CDK6: variants seen among roughly 807,000 people sequenced by gnomAD.
CDK6 encodes cyclin-dependent kinase 6.
A neutral mutation model predicts 37.1 loss-of-function variants in CDK6; 6 were observed. The observed-to-expected ratio is 0.16, with a 90% CI of 0.09 to 0.32. The LOEUF is 0.32. CDK6 is among the 10% of genes least tolerant of loss of function. The pLI is 1.00. For synonymous variants in CDK6, 160 were observed against 161.3 expected (o/e 0.99, Z 0.06); for missense variants, 224 against 418.9 (o/e 0.53, Z 4.06).
In CDK6 at chr7:92,651,286, C is replaced by T. The variant is rs144224076; in HGVS notation, c.647+20140G>A. On this transcript the variant is annotated intron_variant, in intron 5 of 7. Transcript: ENST00000424848. ...TAAGGTTCATAACCTTAATTACATC[C>T]GCAAAATCCCTTCTGCTATGTAATG... is the stretch of plus-strand genomic sequence containing the variant. 2.9e-3 allele frequency among the ~76,000 whole-genome samples: 437 copies of T among 152,248 alleles called. 2 individuals are homozygous for T. Among genetic ancestry groups the T allele is most frequent in the African/African-American group, 9.8e-3 (407 of 41,530 alleles).
chr7:92,791,806 G>C (rs1357208188), intron 2 of CDK6, among the ~76,000 whole-genome samples: 2 of 152,098 alleles, frequency 1.3e-5, no homozygotes, highest in Non-Finnish European at 2.9e-5. Flanking sequence ...ATGTCCAAAG[G>C]TATGTAGGTA....
intron 6 of CDK6, 152 bp downstream of exon 6, chr7:92,622,884 C>T (rs1795835083): frequency 3.4e-6 from 2 of 589,040 alleles, no homozygotes; most frequent in Admixed American, 3.0e-5. Context: ...TCTACCATGT[C>T]TCCACTCACC....
At chr7:92,643,558 T>A (rs1318510824) in intron 5 of CDK6, among the ~76,000 whole-genome samples, 1 of 152,176 alleles carries the variant, frequency 6.6e-6, no homozygotes, top group African/African-American at 2.4e-5. Context: ...AGAAAAAGCC[T>A]CTTTAAGGAG....
intron 4 of CDK6, among the ~76,000 whole-genome samples, chr7:92,707,952 G>A (rs1309562547): frequency 1.3e-5 from 2 of 152,092 alleles, no homozygotes; most frequent in African/African-American, 4.8e-5. Context: ...GGCATATTTA[G>A]TTGTTTAAAA....
intron 3 of CDK6, among the ~76,000 whole-genome samples, chr7:92,753,532 G>A (rs552459075): frequency 1.1e-4 from 17 of 151,990 alleles, no homozygotes; most frequent in South Asian, 1.0e-3. Flanking sequence ...TTGCTCTGTC[G>A]CCCAGGCTGG....
intron 5 of CDK6, among the ~76,000 whole-genome samples, chr7:92,650,171 G>C (rs1298775830): frequency 6.6e-6 from 1 of 152,130 alleles, no homozygotes; most frequent in Non-Finnish European, 1.5e-5. Context: ...TTGTTAAAAT[G>C]GTTCATCTCT....
At chr7:92,805,811 T>A (rs971966137) in intron 2 of CDK6, among the ~76,000 whole-genome samples, 2 of 152,190 alleles carry the variant, frequency 1.3e-5, no homozygotes, top group Non-Finnish European at 2.9e-5. Flanking sequence ...CTAGTTTCAG[T>A]GGGTCTCTAT....
At chr7:92,644,743 C>T (rs1796401848) in intron 5 of CDK6, among the ~76,000 whole-genome samples, 1 of 152,152 alleles carries the variant, frequency 6.6e-6, no homozygotes, top group Non-Finnish European at 1.5e-5. Flanking sequence ...CACACATTAC[C>T]AGGACCTTAG....
At chr7:92,781,994 C>T (rs1800004511) in intron 2 of CDK6, among the ~76,000 whole-genome samples, 1 of 152,132 alleles carries the variant, frequency 6.6e-6, no homozygotes, top group East Asian at 1.9e-4. Context: ...CAACCAGCAC[C>T]AAATGGTATA....
At chr7:92,738,168 A>G (rs1049780729) in intron 3 of CDK6, among the ~76,000 whole-genome samples, 3 of 152,208 alleles carry the variant, frequency 2.0e-5, no homozygotes, top group East Asian at 1.9e-4. Context: ...AACTTCTTCA[A>G]TCTGCTGGAG....
intron 3 of CDK6, among the ~76,000 whole-genome samples, chr7:92,748,768 C>A (rs1584047302): frequency 6.6e-6 from 1 of 152,252 alleles, no homozygotes. Context: ...CTAGTTGAGG[C>A]ACTGCTTCCT....
chr7:92,726,857 C>T (rs1798523812), intron 3 of CDK6, among the ~76,000 whole-genome samples: 1 of 152,192 alleles, frequency 6.6e-6, no homozygotes, highest in South Asian at 2.1e-4. Flanking sequence ...CTCTCTAAGG[C>T]TTAGTTTCCC....
chr7:92,659,402 T>C (rs528354450), intron 5 of CDK6, among the ~76,000 whole-genome samples: 1 of 152,202 alleles, frequency 6.6e-6, no homozygotes, highest in Non-Finnish European at 1.5e-5. Flanking sequence ...ATTTTGGATG[T>C]ACTGTGGTAA....
intron 4 of CDK6, among the ~76,000 whole-genome samples, chr7:92,679,727 C>CT (rs947573481): frequency 1.5e-4 from 23 of 149,194 alleles, no homozygotes; most frequent in African/African-American, 2.7e-4. Context: ...AAATTTACTT[C>CT]TTTTTTTTTT....
In CDK6 at chr7:92,606,839, T is replaced by G. The variant is rs1795440240; in HGVS notation, c.*8301A>C. On this transcript the variant is annotated 3_prime_UTR_variant, in exon 8 of 8. Coordinates refer to ENST00000424848, the MANE Select transcript of CDK6 (RefSeq NM_001145306.2). ...CGTATAAAACTTTCTAGTTCTAATT[T>G]GCACTCTACGTGAACCAATATTTTT... is the stretch of plus-strand genomic sequence containing the variant. 4.3e-6 allele frequency: 1 copy of G among 232,882 alleles called. No homozygotes were observed. The highest frequency in any genetic ancestry group is 2.2e-5 in the African/African-American group (1 of 45,334). The allele number at this position is 232,882 out of a possible 1,614,324, so 14.4% of individuals were successfully genotyped here. A position where few individuals can be genotyped will look rare whatever the true frequency, so the allele number is the denominator to read the frequency against.
intron 4 of CDK6, among the ~76,000 whole-genome samples, chr7:92,672,160 T>TATACACACACACACACACAC (rs1210519115): frequency 1.3e-5 from 1 of 79,092 alleles, no homozygotes; most frequent in Non-Finnish European, 2.4e-5. Context: ...TATATATATA[T>TATACACACACACACACACAC]ACACATACAC....
In CDK6 at chr7:92,732,543, A is replaced by G. The variant is rs987697148; in HGVS notation, c.370-6750T>C. On this transcript the variant is annotated intron_variant, in intron 3 of 7. Transcript: ENST00000424848. ...CACTCTGTACTTCCTTCCTCTTCAA[A>G]TGAGGTAATGCTTAGAGGAGCTGGT... Among the ~76,000 whole-genome samples, 55 of 152,268 alleles carry G rather than the reference A, an allele frequency of 3.6e-4. 2 individuals carry two copies. The highest frequency in any genetic ancestry group is 2.1e-3 in the East Asian group (11 of 5,182).
intron 5 of CDK6, among the ~76,000 whole-genome samples, chr7:92,623,540 A>G (rs546018843): frequency 2.0e-5 from 3 of 152,226 alleles, no homozygotes; most frequent in Admixed American, 1.3e-4. Flanking sequence ...TTTGTCCTCA[A>G]TGCTGCAGTG....
In CDK6 at chr7:92,766,971, A is replaced by C. The variant is rs567751024; in HGVS notation, c.369+7725T>G. On this transcript the variant is annotated intron_variant, in intron 3 of 7. Transcript: ENST00000424848. ...CCATATTTCCTATCCCCCTACCACC[A>C]CTATCAACCCCCTGTACCCCACCAA... Among the ~76,000 whole-genome samples the C allele has an allele frequency of 4.6e-5, 7 of 151,996 alleles. No individual in the cohort carries two copies. In the South Asian group the frequency reaches 1.5e-3, roughly 32 times the overall value.
Sources: gnomAD v4.1 joint callset for allele counts (sites outside exome capture counted in the v4.1 genomes callset) on GRCh38, gnomAD v4.1.1 for gene constraint, MANE v1.5 for transcripts, NCBI Gene and HGNC (gene_info 2026-07-23, HGNC 2026-07-21) for gene names.